Variants in MOB1B observed in about 807,000 individuals in gnomAD.
The protein encoded by MOB1B is MOB kinase activator 1B.
Under a neutral mutation model 24.4 loss-of-function variants are expected in MOB1B, and 19 were observed. That is an observed-to-expected ratio of 0.78 (90% CI 0.54 to 1.14). The LOEUF is 1.14. Among genes scored for constraint, MOB1B ranks in the 50% most tolerant of loss-of-function variants. The pLI is 0.00. For synonymous variants in MOB1B, 76 were observed against 82.1 expected, an observed-to-expected ratio of 0.93 and a Z score of 0.40; for missense variants, 243 against 259.6, an observed-to-expected ratio of 0.94 and a Z score of 0.44.
intron 1 of MOB1B, among the ~76,000 whole-genome samples, chr4:70,936,333 G>A (rs1737082932): frequency 6.6e-6 from 1 of 152,044 alleles, no homozygotes. Flanking sequence ...ACTTTTCTTT[G>A]AACTGCATTT....
intron 1 of MOB1B, among the ~76,000 whole-genome samples, chr4:70,909,724 T>G (rs1735899415): frequency 6.6e-6 from 1 of 151,678 alleles, no homozygotes; most frequent in African/African-American, 2.4e-5. Context: ...AGATCCTGTC[T>G]TATACTTCTT....
intron 2 of MOB1B, among the ~76,000 whole-genome samples, chr4:70,969,567 C>G (rs1738672094): frequency 6.6e-6 from 1 of 152,280 alleles, no homozygotes; most frequent in Non-Finnish European, 1.5e-5. Context: ...CTTCATAGGA[C>G]ATTTGACCAC....
chr4:70,908,943 C>T (rs1272113288), intron 1 of MOB1B, among the ~76,000 whole-genome samples: 5 of 150,326 alleles, frequency 3.3e-5, no homozygotes, highest in African/African-American at 9.8e-5. Context: ...CCCAGCTACT[C>T]GGGAGGCTGA....
intron 2 of MOB1B, among the ~76,000 whole-genome samples, chr4:70,967,547 ATTGT>A (rs1172053717): frequency 2.0e-5 from 3 of 152,342 alleles, no homozygotes; most frequent in South Asian, 4.1e-4. Context: ...AAATATGTTG[ATTGT>A]TCTGAAAATC....
intron 1 of MOB1B, among the ~76,000 whole-genome samples, chr4:70,915,026 A>G (rs564933997): frequency 6.6e-6 from 1 of 152,326 alleles, no homozygotes; most frequent in East Asian, 1.9e-4. Flanking sequence ...TGAATGTAGA[A>G]GACTTAGCTC....
chr4:70,929,182 CTTTTTTTTTTTTT>C (rs11362114), intron 1 of MOB1B, among the ~76,000 whole-genome samples: 5 of 95,134 alleles, frequency 5.3e-5, no homozygotes, highest in Admixed American at 1.2e-4. Flanking sequence ...TTCTTTCTTT[CTTTTTTTTTTTTT>C]TTTTTGAGAC....
At chr4:70,935,891 G>T (rs1737064486) in intron 1 of MOB1B, among the ~76,000 whole-genome samples, 1 of 115,902 alleles carries the variant, frequency 8.6e-6, no homozygotes, top group African/African-American at 3.3e-5. Flanking sequence ...TCGCTCTGTT[G>T]CCCAGGCTGG....
intron 1 of MOB1B, among the ~76,000 whole-genome samples, chr4:70,948,626 G>A (rs1451904616): frequency 2.6e-5 from 4 of 151,998 alleles, no homozygotes; most frequent in African/African-American, 9.7e-5. Context: ...CTTGGTTTTT[G>A]TTAGCATTAG....
intron 1 of MOB1B, among the ~76,000 whole-genome samples, chr4:70,912,600 T>C (rs1004265267): frequency 6.6e-6 from 1 of 152,128 alleles, no homozygotes; most frequent in Admixed American, 6.6e-5. Context: ...TTGAAACATT[T>C]TTCAACTTCC....
At chr4:70,921,979 T>C (rs559931262) in intron 1 of MOB1B, among the ~76,000 whole-genome samples, 5 of 152,344 alleles carry the variant, frequency 3.3e-5, no homozygotes, top group African/African-American at 1.2e-4. Flanking sequence ...TACTACATTG[T>C]TTCATAAATA....
At chr4:70,976,621 G>A (rs1418114006) in intron 4 of MOB1B, 3 of 978,230 alleles carry the variant, frequency 3.1e-6, no homozygotes, top group African/African-American at 3.5e-5. Context: ...GACATTTTAC[G>A]ATTTTTTTTG....
chr4:70,973,806 A>T (rs1738866617), intron 3 of MOB1B, among the ~76,000 whole-genome samples: 1 of 152,236 alleles, frequency 6.6e-6, no homozygotes, highest in Admixed American at 6.5e-5. Context: ...CAGAATGTTT[A>T]ATTCAGGTAT....
intron 4 of MOB1B, 70 bp from the exon 5 acceptor site, chr4:70,979,058 C>T (rs1739104439): frequency 1.6e-6 from 2 of 1,287,752 alleles, no homozygotes. Flanking sequence ...TTATGTTGAC[C>T]TTTGCCGACA....
chr4:70,968,697 C>T lies in MOB1B; in HGVS notation c.182-1234C>T, dbSNP rs575233467. ...TGGTGAAATCATAGCTCATTATAGC[C>T]TCGAACTCCTGGGGTCAAGCAGTTC... On this transcript the variant is annotated intron_variant, in intron 2 of 5. Coordinates refer to ENST00000309395, the MANE Select transcript of MOB1B (RefSeq NM_173468.4). Among the ~76,000 whole-genome samples the T allele has an allele frequency of 4.5e-4, 68 of 152,300 alleles. No individual in the cohort carries two copies. In the Middle Eastern group the frequency reaches 0.01, roughly 23 times the overall value.
At chr4:70,968,072 C>T (rs1302723929) in intron 2 of MOB1B, among the ~76,000 whole-genome samples, 3 of 152,150 alleles carry the variant, frequency 2.0e-5, no homozygotes, top group Non-Finnish European at 2.9e-5. Flanking sequence ...GTCCCAAACT[C>T]TGGGGCTCAA....
At chr4:70,970,064 AT>A in intron 3 of MOB1B, 40 bp downstream of exon 3, 1 of 1,200,178 alleles carries the variant, frequency 8.3e-7, no homozygotes, top group South Asian at 1.4e-5. Flanking sequence ...TTTTTACATT[AT>A]TTTACGGTTC....
In MOB1B at chr4:70,986,364, A is replaced by G. The variant is rs749915241; in HGVS notation, c.*4307A>G. 2.0e-5 allele frequency: 3 copies of G among 152,090 alleles called. No individual in the cohort carries two copies. The highest frequency in any genetic ancestry group is 4.4e-5 in the Non-Finnish European group (3 of 67,986). 9.4% of individuals were successfully genotyped at this position (152,090 alleles called of 1,614,324 possible). On this transcript the variant is annotated 3_prime_UTR_variant, in exon 6 of 6. Coordinates refer to ENST00000309395, the MANE Select transcript of MOB1B (RefSeq NM_173468.4). Reference sequence around the variant, plus strand: ...GAAATAGGAATAAGTTTCATATACTAATTATGCTGAGTTTTAAGCCTACAT... The same window carrying G: ...GAAATAGGAATAAGTTTCATATACTGATTATGCTGAGTTTTAAGCCTACAT...
chr4:70,977,979 C>A (rs938864550), intron 4 of MOB1B, among the ~76,000 whole-genome samples: 2 of 152,180 alleles, frequency 1.3e-5, no homozygotes, highest in Non-Finnish European at 1.5e-5. Flanking sequence ...TGAGTCACTG[C>A]CCAGCTTCAG....
chr4:70,922,733 A>G (rs1736488260), intron 1 of MOB1B, among the ~76,000 whole-genome samples: 1 of 152,224 alleles, frequency 6.6e-6, no homozygotes, highest in South Asian at 2.1e-4. Flanking sequence ...GTAGAGTTAT[A>G]CTTCTAAGTC....
Sources: gnomAD v4.1 joint callset for allele counts (sites outside exome capture counted in the v4.1 genomes callset) on GRCh38, gnomAD v4.1.1 for gene constraint, MANE v1.5 for transcripts, NCBI Gene and HGNC (gene_info 2026-07-23, HGNC 2026-07-21) for gene names.